The following POC1A variants were observed in gnomAD, a reference collection of about 807,000 sequenced individuals.
The protein encoded by POC1A is POC1 centriolar protein homolog A.
A neutral mutation model predicts 47.8 loss-of-function variants in POC1A; 34 were observed. The observed-to-expected ratio is 0.71, with a 90% CI of 0.54 to 0.95. POC1A has a LOEUF of 0.95. Ranked by LOEUF, POC1A falls within the 40% of genes least tolerant of loss-of-function variation. The pLI is 0.00. For synonymous variants in POC1A, 177 were observed against 207.6 expected, an observed-to-expected ratio of 0.85 and a Z score of 1.27; for missense variants, 466 against 528.3, an observed-to-expected ratio of 0.88 and a Z score of 1.16.
At chr3:52,077,062 A>C (rs1443738592) in intron 10 of POC1A, among the ~76,000 whole-genome samples, 1 of 152,242 alleles carries the variant, frequency 6.6e-6, no homozygotes, top group Admixed American at 6.5e-5. Flanking sequence ...CGCGGGTTGG[A>C]CCATGCTGGC....
intron 9 of POC1A, among the ~76,000 whole-genome samples, chr3:52,112,976 C>A (rs1703435327): frequency 6.6e-6 from 1 of 152,178 alleles, no homozygotes. Flanking sequence ...AAATCGGATA[C>A]TCTGGATATG....
rs780913948 is a variant in POC1A at position 52,149,976 on chromosome 3, T to C, written c.115A>G (p.Met39Val). 32 of 1,612,982 alleles carry C rather than the reference T, an allele frequency of 2.0e-5. No individual in the cohort carries two copies. The South Asian group carries it at 2.9e-4, about 14-fold the overall frequency. The change falls in exon 3 of 11, where the codon ATG becomes GTG. Residue 39 changes from methionine to valine, a missense_variant. Physicochemically the swap from Met to Val is conservative, Grantham distance 21. Coordinates refer to ENST00000296484, the MANE Select transcript of POC1A (RefSeq NM_015426.5). Reference protein sequence around the residue: ...INTKQLASGSMDSCLMVWHMK... With the variant: ...INTKQLASGSVDSCLMVWHMK... The stretch of plus-strand genomic sequence containing the variant: ...TGCCAGACCATGAGGCATGAGTCCA[T>C]GGAGCCACTGGCTGAGGACAGTGGG...
chr3:52,082,709 C>G (rs1265067637), intron 10 of POC1A, among the ~76,000 whole-genome samples: 1 of 152,082 alleles, frequency 6.6e-6, no homozygotes, highest in Non-Finnish European at 1.5e-5. Context: ...ATAAAAAGAA[C>G]TGATTTTAAA....
At chr3:52,125,378 G>C (rs1189368814) in intron 7 of POC1A, among the ~76,000 whole-genome samples, 197 bp from the exon 8 acceptor site, 1 of 152,192 alleles carries the variant, frequency 6.6e-6, no homozygotes, top group Non-Finnish European at 1.5e-5. Context: ...TCAGGCTTCT[G>C]TTCCTGAGCA....
intron 9 of POC1A, among the ~76,000 whole-genome samples, chr3:52,115,193 C>T (rs1383419822): frequency 2.0e-5 from 3 of 151,998 alleles, no homozygotes; most frequent in Non-Finnish European, 4.4e-5. Flanking sequence ...TTTACCCAGG[C>T]TGGTCTTGAA....
chr3:52,122,058 T>C (rs1703798647), intron 9 of POC1A, among the ~76,000 whole-genome samples: 1 of 152,152 alleles, frequency 6.6e-6, no homozygotes, highest in Non-Finnish European at 1.5e-5. Flanking sequence ...CAGGGTTCAG[T>C]ATGGGACGGG....
intron 7 of POC1A, among the ~76,000 whole-genome samples, chr3:52,130,354 T>C (rs1239916608): frequency 6.6e-6 from 1 of 152,212 alleles, no homozygotes; most frequent in Non-Finnish European, 1.5e-5. Flanking sequence ...CCCACTGGGA[T>C]GCTTCTTCCA....
At chr3:52,081,813 G>A (rs1459602704) in intron 10 of POC1A, among the ~76,000 whole-genome samples, 1 of 152,136 alleles carries the variant, frequency 6.6e-6, no homozygotes, top group Non-Finnish European at 1.5e-5. Flanking sequence ...GTGAGGTGCA[G>A]GCAAGAGAGA....
chr3:52,123,085 G>A (rs560010526), intron 8 of POC1A, among the ~76,000 whole-genome samples: 1 of 152,344 alleles, frequency 6.6e-6, no homozygotes, highest in South Asian at 2.1e-4. Flanking sequence ...GCGAGACTGG[G>A]ATAAGCCTAG....
chr3:52,091,277 C>T (rs546912920), intron 10 of POC1A, among the ~76,000 whole-genome samples: 5 of 152,160 alleles, frequency 3.3e-5, no homozygotes, highest in South Asian at 4.2e-4. Flanking sequence ...GTGACGCCCA[C>T]GCTCCTGACC....
rs1368103169 is a variant in POC1A, at chr3:52,075,464, T to C, written c.*423A>G. The C allele has an allele frequency of 5.9e-6, 1 of 169,206 alleles. No individual in the cohort carries two copies. The highest frequency in any genetic ancestry group is 1.3e-5 in the Non-Finnish European group (1 of 76,944). The allele number at this position is 169,206 out of a possible 1,614,324, so 10.5% of individuals were successfully genotyped here. A position where few individuals can be genotyped will look rare whatever the true frequency, so the allele number is the denominator to read the frequency against. The stretch of plus-strand genomic sequence containing the variant: ...TAGAGAAAACCCCCGGCTCATCCAA[T>C]CAATGTGCAATCAATTTCTACACCA... On this transcript the variant is annotated 3_prime_UTR_variant, in exon 11 of 11. Coordinates refer to ENST00000296484, the MANE Select transcript of POC1A (RefSeq NM_015426.5).
chr3:52,129,710 T>A (rs1186972290), intron 7 of POC1A, among the ~76,000 whole-genome samples: 1 of 152,158 alleles, frequency 6.6e-6, no homozygotes, highest in Non-Finnish European at 1.5e-5. Flanking sequence ...CCAGGCAGAA[T>A]CTTCAGGGAG....
chr3:52,089,133 C>A (rs1250087254), intron 10 of POC1A, among the ~76,000 whole-genome samples: 1 of 151,932 alleles, frequency 6.6e-6, no homozygotes, highest in Non-Finnish European at 1.5e-5. Context: ...CACGAGCTTG[C>A]CCGTTTTTGA....
chr3:52,087,781 G>C (rs1234715763), intron 10 of POC1A, among the ~76,000 whole-genome samples: 1 of 152,238 alleles, frequency 6.6e-6, no homozygotes. Context: ...GGGACCCATG[G>C]GGTGTTGCTC....
At chr3:52,147,138 G>A (rs763687969) in intron 4 of POC1A, 43 bp from the exon 5 acceptor site, 55 of 1,448,518 alleles carry the variant, frequency 3.8e-5, no homozygotes, top group Middle Eastern at 1.7e-4. Context: ...ACTAACAGAC[G>A]ACATGGGCAC....
chr3:52,149,412 G>C, intron 3 of POC1A, 23 bp from the exon 4 acceptor site: 4 of 1,610,442 alleles, frequency 2.5e-6, no homozygotes, highest in South Asian at 1.1e-5. Flanking sequence ...GCATCCAAGA[G>C]TAAGGAAACC....
intron 9 of POC1A, among the ~76,000 whole-genome samples, chr3:52,102,282 TG>T (rs1479013009): frequency 2.0e-5 from 3 of 152,246 alleles, no homozygotes; most frequent in Admixed American, 1.3e-4. Context: ...TCACATTTGA[TG>T]GCGTAAAACA....
At chr3:52,119,774 A>G (rs1703702090) in intron 9 of POC1A, among the ~76,000 whole-genome samples, 1 of 152,206 alleles carries the variant, frequency 6.6e-6, no homozygotes, top group Non-Finnish European at 1.5e-5. Flanking sequence ...GTAAAGGCCA[A>G]GGATGCTGCT....
intron 10 of POC1A, 73 bp from the exon 11 acceptor site, chr3:52,076,058 TC>T: frequency 8.5e-7 from 1 of 1,180,376 alleles, no homozygotes; most frequent in Non-Finnish European, 1.3e-6. Flanking sequence ...CCTTGGCCAG[TC>T]CCCACTTGGC....
Sources: gnomAD v4.1 joint callset for allele counts (sites outside exome capture counted in the v4.1 genomes callset) on GRCh38, gnomAD v4.1.1 for gene constraint, MANE v1.5 for transcripts, NCBI Gene and HGNC (gene_info 2026-07-23, HGNC 2026-07-21) for gene names.